The following PSAP variants were observed in gnomAD, a reference collection of about 807,000 sequenced individuals.
The protein encoded by PSAP is prosaposin.
PSAP carries 25 observed loss-of-function variants against 66.0 expected under a neutral mutation model. That is an observed-to-expected ratio of 0.38 (90% CI 0.28 to 0.53). PSAP has a LOEUF of 0.53. PSAP is among the 20% of genes least tolerant of loss of function. The probability of loss-of-function intolerance (pLI) is 0.83; values close to 1 mark genes in which losing one functional copy is unlikely to be tolerated. For synonymous variants in PSAP, 273 were observed against 258.9 expected (o/e 1.05, Z -0.52); for missense variants, 649 against 668.8 (o/e 0.97, Z 0.33).
intron 1 of PSAP, 150 bp downstream of exon 1, chr10:71,851,032 A>T (rs1467239948): frequency 2.2e-6 from 2 of 916,818 alleles, no homozygotes; most frequent in Non-Finnish European, 3.4e-6. Flanking sequence ...AGAAAGCCAG[A>T]GAAAGCCAGC....
chr10:71,821,010 G>A (rs1014467953), intron 8 of PSAP, among the ~76,000 whole-genome samples: 2 of 152,212 alleles, frequency 1.3e-5, no homozygotes, highest in African/African-American at 4.8e-5. Flanking sequence ...GTCACATGTG[G>A]TTGGAGTGCG....
In PSAP at chr10:71,828,137, C is replaced by T; in HGVS notation, c.597G>A (p.Gln199=). 6.2e-7 allele frequency: 1 copy of T among 1,614,194 alleles called. No individual in the cohort carries two copies. ...TGTCAGTCACCATCTGAATGCAGTC[C>T]TGGCAAACGTCCCCATTATCCTACA... The part of the protein sequence containing the change: ...PQPKDNGDVC[Q]DCIQMVTDIQ... Residue 199 remains glutamine, a synonymous_variant, in exon 6 of 14, where the codon CAG becomes CAA. Transcript: ENST00000394936.
chr10:71,829,359 A>G (rs1374463280), intron 4 of PSAP, among the ~76,000 whole-genome samples: 2 of 152,154 alleles, frequency 1.3e-5, no homozygotes, highest in African/African-American at 4.8e-5. Flanking sequence ...TAGCTGCCAT[A>G]GTCCCCACGT....
rs370155869 is a variant in PSAP, at chr10:71,820,348, T to G, written c.910-13A>C. ...GGACCTCGTGCTTCTGTGGAAAGAGTAGAAGGAGAGTACTTTCAATGCTGG... is the reference window on the plus strand; with the variant it reads ...GGACCTCGTGCTTCTGTGGAAAGAGGAGAAGGAGAGTACTTTCAATGCTGG... On this transcript the variant is annotated splice_polypyrimidine_tract_variant and intron_variant, in intron 8 of 13. Coordinates refer to ENST00000394936, the MANE Select transcript of PSAP (RefSeq NM_002778.4). 1 of 1,605,044 alleles carries G rather than the reference T, an allele frequency of 6.2e-7. No homozygotes were observed. Among genetic ancestry groups the G allele is most frequent in the Non-Finnish European group, 8.5e-7 (1 of 1,172,162 alleles).
Position 71,843,015 on chromosome 10 carries a change from G to A in PSAP, c.40+8167C>T, listed in dbSNP as rs117912460. 7.9e-3 allele frequency among the ~76,000 whole-genome samples: 1,199 copies of A among 152,178 alleles called. 10 individuals are homozygous for A. The highest frequency in any genetic ancestry group is 0.013 in the Admixed American group (205 of 15,280). Reference sequence around the variant, plus strand: ...GCACCTGTTATGTGCCAAAACTGCCGCACATGCTGCAGACACAGCAAGCGA... The same window carrying A: ...GCACCTGTTATGTGCCAAAACTGCCACACATGCTGCAGACACAGCAAGCGA... On this transcript the variant is annotated intron_variant, in intron 1 of 13. Coordinates refer to ENST00000394936, the MANE Select transcript of PSAP (RefSeq NM_002778.4).
intron 3 of PSAP, among the ~76,000 whole-genome samples, 190 bp from the exon 4 acceptor site, chr10:71,831,441 T>C (rs1842514733): frequency 6.6e-6 from 1 of 152,184 alleles, no homozygotes; most frequent in African/African-American, 2.4e-5. Flanking sequence ...GACATGAGCA[T>C]TCAAAATGAA....
intron 1 of PSAP, among the ~76,000 whole-genome samples, chr10:71,848,114 T>G (rs1842854863): frequency 6.6e-6 from 1 of 152,114 alleles, no homozygotes; most frequent in Admixed American, 6.5e-5. Context: ...ATGATCCCAT[T>G]TGTAAAAGAT....
chr10:71,822,538 A>G, intron 7 of PSAP: 1 of 470,574 alleles, frequency 2.1e-6, no homozygotes, highest in Non-Finnish European at 4.4e-6. Flanking sequence ...AGCTGCACAC[A>G]GTGCACATGA....
At chr10:71,831,334 G>A in intron 3 of PSAP, 83 bp from the exon 4 acceptor site, 7 of 1,558,720 alleles carry the variant, frequency 4.5e-6, no homozygotes, top group Non-Finnish European at 6.1e-6. Flanking sequence ...GCCCTCAATA[G>A]CTCCCAGAAA....
intron 3 of PSAP, 90 bp from the exon 4 acceptor site, chr10:71,831,341 G>C: frequency 6.5e-7 from 1 of 1,534,694 alleles, no homozygotes; most frequent in African/African-American, 1.4e-5. Context: ...ATAGCTCCCA[G>C]AAAAACCAAG....
chr10:71,831,697 T>G, intron 3 of PSAP, 149 bp downstream of exon 3: 1 of 815,374 alleles, frequency 1.2e-6, no homozygotes, highest in Non-Finnish European at 2.1e-6. Flanking sequence ...TCATATACCC[T>G]AAAATCTTTT....
intron 2 of PSAP, among the ~76,000 whole-genome samples, chr10:71,833,237 G>C (rs1166370423): frequency 6.6e-6 from 1 of 152,036 alleles, no homozygotes; most frequent in African/African-American, 2.4e-5. Context: ...GCAGGAGGAT[G>C]ACCTTAGCCC....
chr10:71,825,968 A>C (rs1842393579), intron 6 of PSAP, 75 bp from the exon 7 acceptor site: 1 of 1,293,330 alleles, frequency 7.7e-7, no homozygotes, highest in Admixed American at 1.7e-5. Context: ...AAAACCCCCC[A>C]GCATTTCCAA....
At chr10:71,826,654 T>C (rs370635999) in intron 6 of PSAP, among the ~76,000 whole-genome samples, 3 of 151,038 alleles carry the variant, frequency 2.0e-5, no homozygotes, top group South Asian at 2.1e-4. Context: ...GAGAAGAGGA[T>C]TGTTTGAGCC....
rs376590649 is a variant in PSAP, at chr10:71,851,228, G to A, written c.-7C>T. The A allele has an allele frequency of 1.8e-5, 28 of 1,550,864 alleles. No individual in the cohort carries two copies. Among genetic ancestry groups the A allele is most frequent in the Admixed American group, 5.9e-5 (3 of 50,992 alleles). On this transcript the variant is annotated 5_prime_UTR_variant, in exon 1 of 14. It adds an upstream start codon to the 5' untranslated region. Transcript: ENST00000394936. The stretch of plus-strand genomic sequence containing the variant: ...GGAGGAAGAGGGCGTACATAGCGCC[G>A]TCTGACTCCGCAGTCTGCAATGCGG...
At chr10:71,822,064 T>C (rs1842311846) in intron 7 of PSAP, 57 bp from the exon 8 acceptor site, 1 of 1,612,258 alleles carries the variant, frequency 6.2e-7, no homozygotes. Flanking sequence ...TGCTCCTCAG[T>C]CCCAATCCAG....
chr10:71,831,711 C>T (rs1842522011), intron 3 of PSAP, 135 bp downstream of exon 3: 5 of 882,660 alleles, frequency 5.7e-6, no homozygotes, highest in Middle Eastern at 3.3e-4. Context: ...ATCTTTTCTC[C>T]TTGATCCTTT....
At chr10:71,831,772 C>T (rs1370761510) in intron 3 of PSAP, 74 bp downstream of exon 3, 16 of 1,441,538 alleles carry the variant, frequency 1.1e-5, no homozygotes, top group African/African-American at 1.4e-5. Context: ...TTTAGACACC[C>T]GGAATCACAG....
rs754626939 is a variant in PSAP, at chr10:71,819,843, C to G, written c.1063G>C (p.Glu355Gln). The G allele has an allele frequency of 2.9e-5, 47 of 1,614,212 alleles. No individual in the cohort carries two copies. The highest frequency in any genetic ancestry group is 3.7e-5 in the Non-Finnish European group (44 of 1,180,034). ...MCSKLPKSLS[E>Q]ECQEVVDTYG... is the part of the protein sequence containing the mutation. Reference sequence around the variant, plus strand: ...GTGTCCACCACCTCCTGGCACTCTTCCGACAGGGACTTCGGCAGCTTCGAG... The same window carrying G: ...GTGTCCACCACCTCCTGGCACTCTTGCGACAGGGACTTCGGCAGCTTCGAG... The change falls in exon 10 of 14, where the codon GAA (glutamate) becomes CAA (glutamine). Residue 355 changes from glutamate to glutamine, a missense_variant. Transcript: ENST00000394936.
Sources: gnomAD v4.1 joint callset for allele counts (sites outside exome capture counted in the v4.1 genomes callset) on GRCh38, gnomAD v4.1.1 for gene constraint, MANE v1.5 for transcripts, NCBI Gene and HGNC (gene_info 2026-07-23, HGNC 2026-07-21) for gene names.